The following GNAQ variants were observed in gnomAD, a reference collection of about 807,000 sequenced individuals.
GNAQ encodes G protein subunit alpha q.
GNAQ carries 8 observed loss-of-function variants against 43.9 expected under a neutral mutation model. That is an observed-to-expected ratio of 0.18 (90% CI 0.11 to 0.33). The LOEUF (loss-of-function observed/expected upper bound fraction) is 0.33. Ranked by LOEUF, GNAQ falls within the 10% of genes least tolerant of loss-of-function variation. The pLI is 1.00. For synonymous variants in GNAQ, 155 were observed against 170.7 expected (o/e 0.91, Z 0.71); for missense variants, 158 against 450.8 (o/e 0.35, Z 5.88).
At chr9:77,774,199 G>C (rs1012039781) in intron 5 of GNAQ, among the ~76,000 whole-genome samples, 2 of 152,234 alleles carry the variant, frequency 1.3e-5, no homozygotes, top group East Asian at 3.9e-4. Context: ...CAAGTGTGGA[G>C]ATAAATCTTG....
At chr9:77,735,203 T>C (rs1375194658) in intron 5 of GNAQ, among the ~76,000 whole-genome samples, 1 of 152,232 alleles carries the variant, frequency 6.6e-6, no homozygotes, top group Non-Finnish European at 1.5e-5. Context: ...ACCTATACTC[T>C]TCACTTTTAA....
chr9:77,787,562 T>C (rs1477744248), intron 5 of GNAQ, among the ~76,000 whole-genome samples: 1 of 152,188 alleles, frequency 6.6e-6, no homozygotes, highest in African/African-American at 2.4e-5. Flanking sequence ...CTTCCTACCA[T>C]GCACAAAATC....
intron 1 of GNAQ, among the ~76,000 whole-genome samples, chr9:77,968,163 G>A (rs1444732097): frequency 6.6e-6 from 1 of 151,968 alleles, no homozygotes; most frequent in African/African-American, 2.4e-5. Context: ...AAACCACTGA[G>A]TATACTTAAA....
At chr9:77,894,400 T>TA (rs2118124173) in intron 2 of GNAQ, among the ~76,000 whole-genome samples, 1 of 840 alleles carries the variant, frequency 1.2e-3, no homozygotes, top group Non-Finnish European at 3.1e-3. Context: ...AAAATATATA[T>TA]TTTATATATA....
intron 1 of GNAQ, among the ~76,000 whole-genome samples, chr9:77,936,068 A>G (rs1002569096): frequency 1.3e-5 from 2 of 152,200 alleles, no homozygotes; most frequent in African/African-American, 4.8e-5. Flanking sequence ...TGAGAAAGTA[A>G]AGTTAAAGAA....
chr9:77,907,135 T>C (rs186938914), intron 2 of GNAQ, among the ~76,000 whole-genome samples: 4 of 152,338 alleles, frequency 2.6e-5, no homozygotes, highest in African/African-American at 4.8e-5. Flanking sequence ...CCAGAGGTGT[T>C]TCATAATTCA....
chr9:77,751,765 G>A (rs1825815316), intron 5 of GNAQ, among the ~76,000 whole-genome samples: 1 of 152,012 alleles, frequency 6.6e-6, no homozygotes. Flanking sequence ...ACTAGGAAAC[G>A]AGGCAAGGAA....
chr9:78,003,927 A>G (rs950743021), intron 1 of GNAQ, among the ~76,000 whole-genome samples: 2 of 152,232 alleles, frequency 1.3e-5, no homozygotes. Context: ...TGAGCAAACA[A>G]AAAAGCATAA....
Position 78,031,588 on chromosome 9 carries a change from AGCC to A in GNAQ, c.-356_-354del, listed in dbSNP as rs573121588. 50 of 148,820 alleles carry A rather than the reference AGCC, an allele frequency of 3.4e-4. No homozygotes were observed. Among genetic ancestry groups the A allele is most frequent in the Non-Finnish European group, 6.5e-4 (44 of 67,932 alleles). 9.2% of individuals were successfully genotyped at this position (148,820 alleles called of 1,614,324 possible). On this transcript the variant is annotated 5_prime_UTR_variant, in exon 1 of 7. Coordinates refer to ENST00000286548, the MANE Select transcript of GNAQ (RefSeq NM_002072.5). ...AACAGGCGGCCCGCCTCGCCCCCCG[AGCC>A]GCCGCCGCCGCCGCCGCCTGCGAGG...
rs544212025 is a variant in GNAQ at position 77,993,830 on chromosome 9, A to G, written c.136+37270T>C. ...AAGACTACTTTAAATATATGAACAC[A>G]TAACTGTAAAATATCATTTTGAAAT... On this transcript the variant is annotated intron_variant, in intron 1 of 6. Coordinates refer to ENST00000286548, the MANE Select transcript of GNAQ (RefSeq NM_002072.5). Among the ~76,000 whole-genome samples, 37 of 152,350 alleles carry G rather than the reference A, an allele frequency of 2.4e-4. No individual in the cohort carries two copies. In the East Asian group the frequency reaches 2.7e-3, roughly 11 times the overall value.
chr9:77,889,447 A>AAAAAAAAAAAAAAAT (rs1828366462), intron 2 of GNAQ, among the ~76,000 whole-genome samples: 3 of 135,172 alleles, frequency 2.2e-5, no homozygotes, highest in Non-Finnish European at 4.8e-5. Flanking sequence ...AAAAAAAAAA[A>AAAAAAAAAAAAAAAT]ATCCTTAATC....
intron 5 of GNAQ, among the ~76,000 whole-genome samples, chr9:77,756,233 C>T (rs555770614): frequency 6.6e-5 from 10 of 152,188 alleles, no homozygotes; most frequent in Non-Finnish European, 1.2e-4. Flanking sequence ...ATAAACTCCC[C>T]GTTATGTATA....
chr9:78,013,692 C>G (rs888656482), intron 1 of GNAQ, among the ~76,000 whole-genome samples: 3 of 151,980 alleles, frequency 2.0e-5, no homozygotes, highest in Non-Finnish European at 2.9e-5. Flanking sequence ...CAGACAGGAA[C>G]AAAAAAGTTA....
chr9:78,010,471 T>C (rs557909492), intron 1 of GNAQ, among the ~76,000 whole-genome samples: 42 of 152,196 alleles, frequency 2.8e-4, no homozygotes, highest in African/African-American at 9.9e-4. Context: ...TAACGACAAA[T>C]TGGGGATGTC....
intron 5 of GNAQ, among the ~76,000 whole-genome samples, chr9:77,734,522 A>T (rs372005122): frequency 3.0e-4 from 10 of 33,622 alleles, no homozygotes; most frequent in African/African-American, 4.7e-4. Flanking sequence ...AGGGCCTGAC[A>T]GTCATCTATG....
At chr9:77,931,210 T>C (rs1416384990) in intron 1 of GNAQ, among the ~76,000 whole-genome samples, 1 of 149,770 alleles carries the variant, frequency 6.7e-6, no homozygotes, top group African/African-American at 2.4e-5. Flanking sequence ...ATGACATTCA[T>C]TCTGTTCCCT....
intron 1 of GNAQ, among the ~76,000 whole-genome samples, chr9:78,029,776 G>A (rs1824026810): frequency 6.6e-6 from 1 of 152,160 alleles, no homozygotes; most frequent in Non-Finnish European, 1.5e-5. Flanking sequence ...GAAAGAAAAT[G>A]CATGCTTCTC....
Position 77,718,724 on chromosome 9 carries a change from TA to T in GNAQ, c.*2598del. 9.5e-6 allele frequency: 2 copies of T among 211,022 alleles called. No individual in the cohort carries two copies. Among genetic ancestry groups the T allele is most frequent in the Non-Finnish European group, 9.0e-6 (1 of 110,802 alleles). The allele number at this position is 211,022 out of a possible 1,614,324, so 13.1% of individuals were successfully genotyped here. ...CTGTAGGCCTTCAAATGTTGTTGTTTAATTTTTTTTTTTTTTTTTTTTTTTT... is the reference window on the plus strand; with the variant it reads ...CTGTAGGCCTTCAAATGTTGTTGTTTATTTTTTTTTTTTTTTTTTTTTTTT... On this transcript the variant is annotated 3_prime_UTR_variant, in exon 7 of 7. Transcript: ENST00000286548.
intron 1 of GNAQ, among the ~76,000 whole-genome samples, chr9:77,997,584 A>C (rs988535287): frequency 1.3e-5 from 2 of 152,140 alleles, no homozygotes; most frequent in Non-Finnish European, 2.9e-5. Context: ...TCAGAACGGG[A>C]TCCCCTTCCT....
Sources: allele counts gnomAD v4.1 joint callset (sites outside exome capture counted in the v4.1 genomes callset), GRCh38; gene constraint gnomAD v4.1.1; transcripts MANE v1.5; gene names NCBI Gene and HGNC (gene_info 2026-07-23, HGNC 2026-07-21).